MAN1A1: variants seen among roughly 807,000 people sequenced by gnomAD.
MAN1A1 encodes the protein mannosyl-oligosaccharide 1,2-alpha-mannosidase IA.
MAN1A1 carries 29 observed loss-of-function variants against 70.8 expected under a neutral mutation model. That is an observed-to-expected ratio of 0.41 (90% CI 0.31 to 0.56). The LOEUF (loss-of-function observed/expected upper bound fraction) is 0.56, where lower values mean the gene tolerates loss of function less well. MAN1A1 is among the 20% of genes least tolerant of loss of function. The pLI is 0.29. For missense variants in MAN1A1, 747 were observed against 841.3 expected (o/e 0.89, Z 1.39); for synonymous variants, 349 against 330.1 (o/e 1.06, Z -0.62).
intron 6 of MAN1A1, among the ~76,000 whole-genome samples, chr6:119,234,418 ATT>A (rs917565318): frequency 1.6e-4 from 24 of 149,068 alleles, no homozygotes; most frequent in African/African-American, 5.9e-4. Context: ...ATTAAAAAAA[ATT>A]TTTTTTTTTG....
chr6:119,345,958 T>C (rs1375747096), intron 2 of MAN1A1, among the ~76,000 whole-genome samples: 1 of 152,000 alleles, frequency 6.6e-6, no homozygotes, highest in Non-Finnish European at 1.5e-5. Context: ...ATACAAAAAT[T>C]AGCTGGGTGT....
At chr6:119,230,477 C>A (rs531746554) in intron 6 of MAN1A1, among the ~76,000 whole-genome samples, 20 of 152,282 alleles carry the variant, frequency 1.3e-4, no homozygotes, top group African/African-American at 3.6e-4. Flanking sequence ...TGTTCCTTTT[C>A]AATACAGAGT....
intron 5 of MAN1A1, among the ~76,000 whole-genome samples, chr6:119,273,400 T>C (rs1775977410): frequency 6.6e-6 from 1 of 152,170 alleles, no homozygotes; most frequent in Non-Finnish European, 1.5e-5. Flanking sequence ...CCTGCATTAT[T>C]TACCATATCC....
Position 119,180,359 on chromosome 6 carries a change from C to T in MAN1A1, c.1788G>A (p.Glu596=). The stretch of plus-strand genomic sequence containing the variant: ...AACTCTGCTGCACATCATCATAACT[C>T]TCATGAAGAAGGTAAACATCCCTTA... ...SGLRDVYLLH[E]SYDDVQQSFF... is the part of the protein sequence containing the mutation. Residue 596 remains glutamate (E), a synonymous_variant, in exon 12 of 13, where the codon GAG becomes GAA. Coordinates refer to ENST00000368468, the MANE Select transcript of MAN1A1 (RefSeq NM_005907.4). 6.2e-7 allele frequency: 1 copy of T among 1,613,938 alleles called. No homozygotes were observed. The highest frequency in any genetic ancestry group is 8.5e-7 in the Non-Finnish European group (1 of 1,179,912).
chr6:119,232,711 G>A (rs1263577645), intron 6 of MAN1A1, among the ~76,000 whole-genome samples: 1 of 136,962 alleles, frequency 7.3e-6, no homozygotes, highest in African/African-American at 2.6e-5. Context: ...GTGTGTGTGT[G>A]TGTGTGTATA....
rs142016146 is a variant in MAN1A1 at position 119,288,315 on chromosome 6, A to G, written c.897+2368T>C. On this transcript the variant is annotated intron_variant, in intron 5 of 12. Coordinates refer to ENST00000368468, the MANE Select transcript of MAN1A1 (RefSeq NM_005907.4). ...ATTATGGTGGTTTAAAAGTCCCTCT[A>G]TGAGATACATAGAAAGACAAATTGT... 6.7e-3 allele frequency among the ~76,000 whole-genome samples: 1,024 copies of G among 152,068 alleles called. 8 individuals are homozygous for G. Among genetic ancestry groups the G allele is most frequent in the African/African-American group, 0.023 (970 of 41,544 alleles).
At chr6:119,269,216 C>T (rs1036978520) in intron 5 of MAN1A1, 3 of 254,308 alleles carry the variant, frequency 1.2e-5, no homozygotes, top group Non-Finnish European at 2.3e-5. Flanking sequence ...TACATAGCCT[C>T]ATAAGCTGCT....
chr6:119,242,497 T>C (rs933606834), intron 6 of MAN1A1, among the ~76,000 whole-genome samples: 4 of 152,130 alleles, frequency 2.6e-5, no homozygotes, highest in African/African-American at 7.2e-5. Context: ...GGAGCACTGA[T>C]AGCTTAAAAA....
intron 2 of MAN1A1, among the ~76,000 whole-genome samples, chr6:119,337,884 C>T (rs1024124807): frequency 1.3e-5 from 2 of 152,016 alleles, no homozygotes; most frequent in Non-Finnish European, 2.9e-5. Flanking sequence ...TAGATATATG[C>T]CAATTATAAA....
intron 5 of MAN1A1, among the ~76,000 whole-genome samples, chr6:119,276,493 T>TA (rs1196334654): frequency 6.6e-6 from 1 of 152,190 alleles, no homozygotes; most frequent in Non-Finnish European, 1.5e-5. Context: ...GACCAGATGA[T>TA]AGAGAGAAGT....
At chr6:119,251,533 A>C (rs1379138220) in intron 5 of MAN1A1, among the ~76,000 whole-genome samples, 1 of 152,258 alleles carries the variant, frequency 6.6e-6, no homozygotes. Flanking sequence ...CTCCAGGTCA[A>C]GATCTTTGCC....
At chr6:119,213,621 C>A (rs963699490) in intron 6 of MAN1A1, among the ~76,000 whole-genome samples, 3 of 152,072 alleles carry the variant, frequency 2.0e-5, no homozygotes, top group Admixed American at 1.3e-4. Flanking sequence ...TGCTGCCTTG[C>A]GACATCTTCT....
chr6:119,314,979 G>A (rs567622508), intron 2 of MAN1A1, among the ~76,000 whole-genome samples: 22 of 152,220 alleles, frequency 1.4e-4, no homozygotes, highest in Admixed American at 1.4e-3. Flanking sequence ...CTCTCCTCAT[G>A]CCAAGCTGCT....
intron 10 of MAN1A1, among the ~76,000 whole-genome samples, chr6:119,189,124 T>G (rs748654349): frequency 5.9e-5 from 9 of 152,158 alleles, no homozygotes; most frequent in Non-Finnish European, 1.0e-4. Flanking sequence ...TAACAATTTA[T>G]TTTTTTCATT....
In MAN1A1 at chr6:119,180,447, A is replaced by G. The variant is rs1562179226; in HGVS notation, c.1720-20T>C. The G allele has an allele frequency of 1.5e-6, 2 of 1,294,576 alleles. No homozygotes were observed. The highest frequency in any genetic ancestry group is 3.9e-5 in the Admixed American group (2 of 50,682). The allele number at this position is 1,294,576 out of a possible 1,614,324, so 80.2% of individuals were successfully genotyped here. A position where few individuals can be genotyped will look rare whatever the true frequency, so the allele number is the denominator to read the frequency against. The stretch of plus-strand genomic sequence containing the variant: ...CAAGGCCTAAATTATAGAGGAGGAA[A>G]AAAAAAAGTCACATTTCAGTAAACT... On this transcript the variant is annotated intron_variant, in intron 11 of 12. Transcript: ENST00000368468.
chr6:119,315,451 C>T (rs1429689813), intron 2 of MAN1A1, among the ~76,000 whole-genome samples: 23 of 152,242 alleles, frequency 1.5e-4, no homozygotes, highest in East Asian at 3.9e-4. Context: ...AGAAGTATCT[C>T]GTTCTCCTAA....
At chr6:119,285,010 C>T (rs1488894802) in intron 5 of MAN1A1, among the ~76,000 whole-genome samples, 1 of 151,726 alleles carries the variant, frequency 6.6e-6, no homozygotes, top group African/African-American at 2.4e-5. Flanking sequence ...CAGCATAATA[C>T]CAGCATCTGC....
intron 6 of MAN1A1, among the ~76,000 whole-genome samples, chr6:119,213,688 T>A (rs1249939786): frequency 6.6e-6 from 1 of 152,208 alleles, no homozygotes; most frequent in African/African-American, 2.4e-5. Flanking sequence ...TTTCTTTTAC[T>A]ACCACCAGCG....
rs114565966 is a variant in MAN1A1 at position 119,244,502 on chromosome 6, T to C, written c.992+3758A>G. Among the ~76,000 whole-genome samples the C allele has an allele frequency of 6.3e-3, 960 of 152,214 alleles. 9 individuals are homozygous for C. Among genetic ancestry groups the C allele is most frequent in the African/African-American group, 0.022 (906 of 41,568 alleles). The stretch of plus-strand genomic sequence containing the variant: ...GAATCTATTGAATTAAGAATTCTTA[T>C]TGGATTAACAATTTAAATAGATGTG... On this transcript the variant is annotated intron_variant, in intron 6 of 12. Transcript: ENST00000368468.
Sources: allele counts gnomAD v4.1 joint callset (sites outside exome capture counted in the v4.1 genomes callset), GRCh38; gene constraint gnomAD v4.1.1; transcripts MANE v1.5; gene names NCBI Gene and HGNC (gene_info 2026-07-23, HGNC 2026-07-21).